Variants in TXNDC16 observed in about 807,000 individuals in gnomAD.
TXNDC16 encodes the protein thioredoxin domain-containing protein 16.
A neutral mutation model predicts 85.6 loss-of-function variants in TXNDC16; 74 were observed. That is an observed-to-expected ratio of 0.86 (90% CI 0.72 to 1.05). The LOEUF is 1.05. Among genes scored for constraint, TXNDC16 ranks in the 50% least tolerant of loss-of-function variants. The probability of loss-of-function intolerance (pLI) is 0.00; values close to 1 mark genes in which losing one functional copy is unlikely to be tolerated. For synonymous variants in TXNDC16, 335 were observed against 326.5 expected (o/e 1.03, Z -0.28); for missense variants, 959 against 947.0 (o/e 1.01, Z -0.17).
chr14:52,450,842 G>A (rs1377886437), intron 18 of TXNDC16, among the ~76,000 whole-genome samples: 2 of 139,274 alleles, frequency 1.4e-5, no homozygotes, highest in African/African-American at 2.7e-5. Flanking sequence ...AAGTGGATAA[G>A]AAAATGTGTT....
intron 1 of TXNDC16, among the ~76,000 whole-genome samples, 182 bp downstream of exon 1, chr14:52,552,134 A>C (rs1311642010): frequency 6.6e-6 from 1 of 152,170 alleles, no homozygotes; most frequent in African/African-American, 2.4e-5. Flanking sequence ...CATGCAGCGA[A>C]AAGAGAAAGC....
chr14:52,482,514 G>T (rs939253362), intron 13 of TXNDC16, among the ~76,000 whole-genome samples: 2 of 152,048 alleles, frequency 1.3e-5, no homozygotes, highest in African/African-American at 2.4e-5. Flanking sequence ...GCTATGATTT[G>T]AAGATAAAAG....
chr14:52,515,089 A>G (rs1190519629), intron 7 of TXNDC16, 119 bp from the exon 8 acceptor site: 1 of 624,872 alleles, frequency 1.6e-6, no homozygotes, highest in Non-Finnish European at 2.5e-6. Flanking sequence ...TTAAAGAAAA[A>G]TCCTTCACAG....
chr14:52,520,535 G>C (rs765421625), intron 6 of TXNDC16, among the ~76,000 whole-genome samples: 9 of 152,182 alleles, frequency 5.9e-5, no homozygotes, highest in South Asian at 2.1e-4. Flanking sequence ...GCATGAACCC[G>C]GGAGGAGGAG....
chr14:52,433,600 C>T (rs2140096359), intron 20 of TXNDC16, among the ~76,000 whole-genome samples: 1 of 152,188 alleles, frequency 6.6e-6, no homozygotes, highest in Admixed American at 6.5e-5. Context: ...TAGAGTAAAG[C>T]TCAAACAAAA....
intron 9 of TXNDC16, among the ~76,000 whole-genome samples, chr14:52,501,645 A>C (rs2036661532): frequency 1.3e-5 from 2 of 152,206 alleles, no homozygotes; most frequent in Admixed American, 6.5e-5. Context: ...GTCGGCTACT[A>C]ATAAGAACCT....
chr14:52,535,552 G>A (rs893266841), intron 6 of TXNDC16, among the ~76,000 whole-genome samples: 9 of 152,138 alleles, frequency 5.9e-5, no homozygotes, highest in African/African-American at 2.2e-4. Context: ...AAAGGTCTTA[G>A]TGGACAACAG....
At chr14:52,436,334 T>C (rs947145974) in intron 20 of TXNDC16, among the ~76,000 whole-genome samples, 11 of 152,210 alleles carry the variant, frequency 7.2e-5, no homozygotes, top group Admixed American at 3.3e-4. Context: ...CCACATATTA[T>C]ATGATACCAT....
chr14:52,443,986 A>G (rs2035223452), intron 18 of TXNDC16, among the ~76,000 whole-genome samples: 1 of 152,204 alleles, frequency 6.6e-6, no homozygotes, highest in Non-Finnish European at 1.5e-5. Context: ...AGACATAGCA[A>G]AAGAAGAAAA....
At chr14:52,458,732 AAT>A (rs1307155628) in intron 16 of TXNDC16, among the ~76,000 whole-genome samples, 2 of 152,238 alleles carry the variant, frequency 1.3e-5, no homozygotes, top group Non-Finnish European at 2.9e-5. Context: ...TATCTAAAGC[AAT>A]GACATAACAG....
chr14:52,448,193 GTT>G, intron 18 of TXNDC16, among the ~76,000 whole-genome samples: 1 of 151,710 alleles, frequency 6.6e-6, no homozygotes, highest in East Asian at 1.9e-4. Flanking sequence ...CAAGCACAAG[GTT>G]ATAAAACACT....
intron 6 of TXNDC16, among the ~76,000 whole-genome samples, chr14:52,521,052 T>A (rs2037197470): frequency 6.6e-6 from 1 of 151,992 alleles, no homozygotes. Flanking sequence ...ACATAAATAC[T>A]TTTTATTTAA....
chr14:52,531,661 G>A (rs1289795912), intron 6 of TXNDC16, among the ~76,000 whole-genome samples: 2 of 152,154 alleles, frequency 1.3e-5, no homozygotes, highest in Non-Finnish European at 2.9e-5. Flanking sequence ...GAGAGAGGAA[G>A]GGATGAATAG....
chr14:52,495,298 G>C (rs1375998564), intron 9 of TXNDC16, among the ~76,000 whole-genome samples: 1 of 152,188 alleles, frequency 6.6e-6, no homozygotes, highest in African/African-American at 2.4e-5. Context: ...TGGTCTAAGG[G>C]CCTTGATTCT....
At chr14:52,461,691 T>C (rs77429311) in intron 16 of TXNDC16, among the ~76,000 whole-genome samples, 2,033 of 152,270 alleles carry the variant, frequency 0.013, 45 homozygotes, top group African/African-American at 0.046. Flanking sequence ...ACTCCCAGCA[T>C]GGCCATGAGG....
chr14:52,453,495 TA>T (rs548296158), intron 18 of TXNDC16, among the ~76,000 whole-genome samples: 1 of 151,836 alleles, frequency 6.6e-6, no homozygotes, highest in Admixed American at 6.6e-5. Flanking sequence ...TATTCCGTCA[TA>T]AAAAAAAGAA....
At chr14:52,520,169 G>A (rs2037176229) in intron 6 of TXNDC16, among the ~76,000 whole-genome samples, 5 of 152,140 alleles carry the variant, frequency 3.3e-5, no homozygotes, top group African/African-American at 1.2e-4. Context: ...ACTCAAAAAC[G>A]CATTTATTGA....
At chr14:52,475,597 A>G (rs114196956) in intron 14 of TXNDC16, among the ~76,000 whole-genome samples, 1,823 of 152,036 alleles carry the variant, frequency 0.012, 36 homozygotes, top group African/African-American at 0.04. Flanking sequence ...GACAGCCATA[A>G]TCCTCTTAGG....
intron 6 of TXNDC16, among the ~76,000 whole-genome samples, chr14:52,520,596 C>T (rs867543182): frequency 6.6e-6 from 1 of 151,882 alleles, no homozygotes; most frequent in Non-Finnish European, 1.5e-5. Flanking sequence ...GGCGACAGAG[C>T]GAGATTCTGT....
Sources: gnomAD v4.1 joint callset for allele counts (sites outside exome capture counted in the v4.1 genomes callset) on GRCh38, gnomAD v4.1.1 for gene constraint, MANE v1.5 for transcripts, NCBI Gene and HGNC (gene_info 2026-07-23, HGNC 2026-07-21) for gene names.